TRIO: variants seen among roughly 807,000 people sequenced by gnomAD.
The protein encoded by TRIO is triple functional domain protein.
A neutral mutation model predicts 351.9 loss-of-function variants in TRIO; 58 were observed. The observed-to-expected ratio is 0.16, with a 90% CI of 0.13 to 0.21. The LOEUF (loss-of-function observed/expected upper bound fraction) is 0.21, where lower values mean the gene tolerates loss of function less well. TRIO is among the 10% of genes least tolerant of loss of function. The pLI, the probability that TRIO is intolerant of heterozygous loss-of-function variation, is 1.00. For missense variants in TRIO, 3,201 were observed against 4,027.8 expected (o/e 0.79, Z 5.56); for synonymous variants, 1,758 against 1,595.7 (o/e 1.10, Z -2.42).
At chr5:14,480,035 C>T in intron 43 of TRIO, 24 bp downstream of exon 43, 1 of 1,609,596 alleles carries the variant, frequency 6.2e-7, no homozygotes, top group Non-Finnish European at 8.5e-7. Flanking sequence ...GGGACAAACT[C>T]TGGTGTCAGG....
In TRIO at chr5:14,317,884, T is replaced by A. The variant is rs200376843; in HGVS notation, c.1731+1141T>A. Among the ~76,000 whole-genome samples, 5 of 152,124 alleles carry A rather than the reference T, an allele frequency of 3.3e-5. No individual in the cohort carries two copies. In the East Asian group the frequency reaches 9.7e-4, roughly 29 times the overall value. ...GCTCACGCCTGTAATCCCAGCACTT[T>A]AGGAGGCCAAGGGGGGTGGATCACC... On this transcript the variant is annotated intron_variant, in intron 9 of 56. Transcript: ENST00000344204.
chr5:14,415,397 G>A (rs1749557206), intron 33 of TRIO, among the ~76,000 whole-genome samples: 2 of 152,212 alleles, frequency 1.3e-5, no homozygotes, highest in South Asian at 2.1e-4. Context: ...AGGTATTGCC[G>A]CCGTCTATCG....
intron 11 of TRIO, among the ~76,000 whole-genome samples, chr5:14,342,469 G>A (rs1005220592): frequency 6.6e-6 from 1 of 152,230 alleles, no homozygotes; most frequent in African/African-American, 2.4e-5. Context: ...TTCCAGTGCA[G>A]GGCCTGTCAC....
At chr5:14,181,599 C>A (rs1789772544) in intron 1 of TRIO, among the ~76,000 whole-genome samples, 3 of 152,206 alleles carry the variant, frequency 2.0e-5, no homozygotes, top group Admixed American at 2.0e-4. Context: ...TGGGACCACT[C>A]ACACAGGACC....
chr5:14,350,448 G>C (rs554552525), intron 11 of TRIO, among the ~76,000 whole-genome samples: 1 of 152,194 alleles, frequency 6.6e-6, no homozygotes, highest in Non-Finnish European at 1.5e-5. Flanking sequence ...TTTTAGACTT[G>C]ATACTGTTTG....
At chr5:14,161,052 G>A (rs1160804585) in intron 1 of TRIO, among the ~76,000 whole-genome samples, 1 of 152,138 alleles carries the variant, frequency 6.6e-6, no homozygotes, top group African/African-American at 2.4e-5. Flanking sequence ...TGGGATTACA[G>A]GCATGCGCCA....
At chr5:14,357,412 C>T (rs1390804243) in intron 11 of TRIO, among the ~76,000 whole-genome samples, 1 of 152,212 alleles carries the variant, frequency 6.6e-6, no homozygotes, top group Non-Finnish European at 1.5e-5. Context: ...CAGAGATCTG[C>T]AGGAGTTAAT....
At chr5:14,238,852 AC>A (rs1412371653) in intron 1 of TRIO, among the ~76,000 whole-genome samples, 4 of 152,234 alleles carry the variant, frequency 2.6e-5, no homozygotes, top group Non-Finnish European at 5.9e-5. Context: ...CATCTTTGCC[AC>A]CTGGCTGGCT....
chr5:14,191,737 G>C (rs374916605), intron 1 of TRIO, among the ~76,000 whole-genome samples: 3 of 152,188 alleles, frequency 2.0e-5, no homozygotes, highest in Non-Finnish European at 4.4e-5. Flanking sequence ...TCAGAACTTA[G>C]AGAAGTAAGC....
intron 5 of TRIO, among the ~76,000 whole-genome samples, chr5:14,291,575 G>A (rs1342827703): frequency 1.3e-5 from 2 of 151,786 alleles, no homozygotes; most frequent in Non-Finnish European, 2.9e-5. Flanking sequence ...GATCACCTGA[G>A]GTCAGGAGAT....
rs1579446075 is a variant in TRIO at position 14,367,663 on chromosome 5, G to A, written c.2874+684G>A. On this transcript the variant is annotated intron_variant, in intron 16 of 56. Coordinates refer to ENST00000344204, the MANE Select transcript of TRIO (RefSeq NM_007118.4). ...CATGGTTCTGATTGGTAGTGGTGAG[G>A]TAATGTCAAAGGAAAAAGAACATTT... 2.0e-5 allele frequency among the ~76,000 whole-genome samples: 3 copies of A among 152,244 alleles called. No homozygotes were observed. The South Asian group carries it at 6.2e-4, about 32-fold the overall frequency.
rs1756139172 is a variant in TRIO at position 14,488,097 on chromosome 5, C to A, written c.7469C>A (p.Pro2490His). The A allele has an allele frequency of 1.2e-6, 2 of 1,607,374 alleles. No individual in the cohort carries two copies. Among genetic ancestry groups the A allele is most frequent in the East Asian group, 4.5e-5 (2 of 44,798 alleles). The stretch of plus-strand genomic sequence containing the variant: ...GGGGGCTCCTTCTGGAGCTCCATCC[C>A]CGCCTCCCCCGCCAGCCGACCCGGC... ...QKGGSFWSSI[P>H]ASPASRPGSF... The change falls in exon 48 of 57, where the codon CCC becomes CAC. Residue 2490 changes from proline to histidine, a missense_variant. This residue lies in a region of TRIO where 1,089 missense variants were observed against 954.9 expected (regional missense o/e 1.14). Coordinates refer to ENST00000344204, the MANE Select transcript of TRIO (RefSeq NM_007118.4).
chr5:14,434,000 C>G (rs1336575917), intron 34 of TRIO, among the ~76,000 whole-genome samples: 2 of 152,094 alleles, frequency 1.3e-5, no homozygotes, highest in Admixed American at 1.3e-4. Context: ...GTATATTGAT[C>G]CTTTTTACTG....
At chr5:14,367,403 A>G (rs1185792195) in intron 16 of TRIO, among the ~76,000 whole-genome samples, 1 of 152,184 alleles carries the variant, frequency 6.6e-6, no homozygotes, top group African/African-American at 2.4e-5. Context: ...TCAACCAAGC[A>G]GAGAGCTCAG....
At chr5:14,278,563 C>A (rs1735734561) in intron 2 of TRIO, among the ~76,000 whole-genome samples, 1 of 152,144 alleles carries the variant, frequency 6.6e-6, no homozygotes, top group African/African-American at 2.4e-5. Context: ...TTTAATAATT[C>A]AAGTTTCTGT....
intron 34 of TRIO, among the ~76,000 whole-genome samples, chr5:14,458,518 T>G (rs1753538508): frequency 1.3e-5 from 2 of 152,212 alleles, no homozygotes; most frequent in Non-Finnish European, 2.9e-5. Flanking sequence ...TCGCCTATAG[T>G]ACAGGATAAT....
chr5:14,475,639 C>T (rs1200485066), intron 40 of TRIO, among the ~76,000 whole-genome samples: 1 of 152,228 alleles, frequency 6.6e-6, no homozygotes, highest in African/African-American at 2.4e-5. Context: ...AGAAACAGCA[C>T]TCCAGTTTAT....
At chr5:14,463,669 T>C (rs1421368965) in intron 36 of TRIO, among the ~76,000 whole-genome samples, 1 of 149,064 alleles carries the variant, frequency 6.7e-6, no homozygotes, top group Non-Finnish European at 1.5e-5. Flanking sequence ...TCATTACTGG[T>C]GATGCTTTTT....
At chr5:14,482,891 C>G (rs1755638781) in intron 46 of TRIO, 118 bp downstream of exon 46, 2 of 1,066,068 alleles carry the variant, frequency 1.9e-6, no homozygotes, top group South Asian at 2.2e-5. Context: ...TGAGAATTTT[C>G]TAGTATATTT....
Sources: allele counts gnomAD v4.1 joint callset (sites outside exome capture counted in the v4.1 genomes callset), GRCh38; gene constraint gnomAD v4.1.1; regional missense constraint gnomAD v4.1.1; transcripts MANE v1.5; gene names NCBI Gene and HGNC (gene_info 2026-07-23, HGNC 2026-07-21).